Variants in CHD9 observed in about 807,000 individuals in gnomAD.
The protein encoded by CHD9 is chromodomain helicase DNA binding protein 9.
Under a neutral mutation model 316.1 loss-of-function variants are expected in CHD9, and 77 were observed. The observed-to-expected ratio is 0.24, with a 90% CI of 0.20 to 0.29. The LOEUF is 0.29. Among genes scored for constraint, CHD9 ranks in the 10% least tolerant of loss-of-function variants. The pLI, the probability that CHD9 is intolerant of heterozygous loss-of-function variation, is 1.00. For missense variants in CHD9, 2,763 were observed against 3,438.1 expected (o/e 0.80, Z 4.91); for synonymous variants, 1,129 against 1,158.3 (o/e 0.97, Z 0.51).
chr16:53,293,380 C>G (rs1380214922), intron 29 of CHD9, among the ~76,000 whole-genome samples: 1 of 151,972 alleles, frequency 6.6e-6, no homozygotes, highest in Non-Finnish European at 1.5e-5. Flanking sequence ...TTTGGGAGGC[C>G]GAGGTGGGAA....
Position 53,122,873 on chromosome 16 carries a change from A to AT in CHD9, c.-164-33037dup, listed in dbSNP as rs35194227. Among the ~76,000 whole-genome samples, 500 of 139,124 alleles carry AT rather than the reference A, an allele frequency of 3.6e-3. 2 individuals carry two copies. The highest frequency in any genetic ancestry group is 3.8e-3 in the African/African-American group (142 of 37,818). 91.3% of individuals were successfully genotyped at this position (139,124 alleles called of 152,430 possible). A position where few individuals can be genotyped will look rare whatever the true frequency, so the allele number is the denominator to read the frequency against. On this transcript the variant is annotated intron_variant, in intron 1 of 38. Coordinates refer to ENST00000447540, the MANE Select transcript of CHD9 (RefSeq NM_001308319.2). ...AGGCGCCCGCTACCACGCCCGGCTA[A>AT]TTTTTTTTTTTTTTTTGTATTTTTA...
chr16:53,099,155 G>C (rs1312057207), intron 1 of CHD9: 2 of 152,448 alleles, frequency 1.3e-5, no homozygotes, highest in Non-Finnish European at 2.9e-5. Context: ...GGAACCTGCA[G>C]CTGGAGCCAG....
At chr16:53,300,285 G>A (rs555326195) in intron 30 of CHD9, among the ~76,000 whole-genome samples, 17 of 152,186 alleles carry the variant, frequency 1.1e-4, no homozygotes, top group South Asian at 1.0e-3. Flanking sequence ...CCTGGGAGGC[G>A]GAGATTGCAG....
chr16:53,125,688 CACAAAG>C (rs1392002488), intron 1 of CHD9, among the ~76,000 whole-genome samples: 2 of 152,182 alleles, frequency 1.3e-5, no homozygotes, highest in African/African-American at 2.4e-5. Flanking sequence ...GCCACATGAT[CACAAAG>C]ACAAACAACC....
chr16:53,141,717 T>C (rs567149872), intron 1 of CHD9, among the ~76,000 whole-genome samples: 51 of 152,266 alleles, frequency 3.3e-4, no homozygotes, highest in African/African-American at 1.2e-3. Context: ...TCTGCACTCA[T>C]CTTGTTTAGT....
At chr16:53,164,659 T>G (rs968069534) in intron 2 of CHD9, among the ~76,000 whole-genome samples, 1 of 151,222 alleles carries the variant, frequency 6.6e-6, no homozygotes, top group Non-Finnish European at 1.5e-5. Context: ...GGGGGTTTGT[T>G]GTTGTTGTTT....
intron 1 of CHD9, among the ~76,000 whole-genome samples, chr16:53,148,415 T>C (rs999346254): frequency 1.3e-5 from 2 of 152,162 alleles, no homozygotes; most frequent in Non-Finnish European, 2.9e-5. Context: ...TGTTTAACTT[T>C]TTGAGGAACC....
rs371392783 is a variant in CHD9 at position 53,156,755 on chromosome 16, A to C, written c.666A>C (p.Ser222=). The C allele has an allele frequency of 1.9e-6, 3 of 1,613,720 alleles. No homozygotes were observed. The highest frequency in any genetic ancestry group is 1.7e-5 in the Admixed American group (1 of 60,028). The change falls in exon 2 of 39, where the codon TCA becomes TCC. Residue 222 remains serine, a synonymous_variant. Coordinates refer to ENST00000447540, the MANE Select transcript of CHD9 (RefSeq NM_001308319.2). The stretch of plus-strand genomic sequence containing the variant: ...CACAGATGACTAATGCATCTAATTC[A>C]CAACAGTCTATTTCAATGCAGCAAT... The part of the protein sequence containing the change: ...HPPQMTNASN[S]QQSISMQQFS...
At chr16:53,172,564 A>G (rs1025179374) in intron 2 of CHD9, among the ~76,000 whole-genome samples, 6 of 152,244 alleles carry the variant, frequency 3.9e-5, no homozygotes, top group Admixed American at 2.0e-4. Flanking sequence ...TAATAGGTAT[A>G]TATTTAACTT....
intron 1 of CHD9, among the ~76,000 whole-genome samples, chr16:53,103,313 G>A (rs1029156948): frequency 3.3e-5 from 5 of 151,950 alleles, no homozygotes; most frequent in Non-Finnish European, 1.5e-5. Flanking sequence ...GATTACAGGT[G>A]TGAGCCACCA....
intron 2 of CHD9, among the ~76,000 whole-genome samples, chr16:53,170,690 C>G (rs538899829): frequency 5.3e-5 from 8 of 151,946 alleles, no homozygotes; most frequent in African/African-American, 1.9e-4. Flanking sequence ...TTGTCAACAT[C>G]TCTGATTTTG....
rs554372764 is a variant in CHD9, at chr16:53,316,243, T to C, written c.7584+1199T>C. Among the ~76,000 whole-genome samples, 10 of 152,278 alleles carry C rather than the reference T, an allele frequency of 6.6e-5. No homozygotes were observed. The East Asian group carries it at 1.7e-3, about 26-fold the overall frequency. The stretch of plus-strand genomic sequence containing the variant: ...ATTGCAATCCTAAAAATAATGGGAA[T>C]CCTGAGTTGAACACTGTAACTTCCT... On this transcript the variant is annotated intron_variant, in intron 36 of 38. Transcript: ENST00000447540.
At chr16:53,208,862 A>C (rs1475712358) in intron 2 of CHD9, among the ~76,000 whole-genome samples, 1 of 152,170 alleles carries the variant, frequency 6.6e-6, no homozygotes, top group Non-Finnish European at 1.5e-5. Flanking sequence ...TTATTTCCCA[A>C]ATTGCTTGAG....
chr16:53,164,632 GT>G (rs57354712), intron 2 of CHD9, among the ~76,000 whole-genome samples: 4,861 of 146,642 alleles, frequency 0.033, 99 homozygotes, highest in Middle Eastern at 0.073. Context: ...TCTGTTTTTT[GT>G]TTTTTTTTTG....
intron 1 of CHD9, among the ~76,000 whole-genome samples, chr16:53,079,099 T>TTA (rs1174750899): frequency 2.0e-5 from 3 of 152,166 alleles, no homozygotes; most frequent in Non-Finnish European, 4.4e-5. Flanking sequence ...TTGGCTAGCG[T>TTA]TATACATACA....
intron 10 of CHD9, among the ~76,000 whole-genome samples, chr16:53,234,648 C>T (rs1245943957): frequency 2.0e-5 from 3 of 151,698 alleles, no homozygotes; most frequent in Non-Finnish European, 4.4e-5. Context: ...CCCTGTGTTG[C>T]CCAGGCTGGT....
intron 1 of CHD9, among the ~76,000 whole-genome samples, chr16:53,136,556 TA>T (rs35318410): frequency 4.5e-3 from 633 of 141,288 alleles, no homozygotes; most frequent in African/African-American, 6.4e-3. Flanking sequence ...TACCTTTTCC[TA>T]AAAAAAAAAA....
At chr16:53,142,583 A>T (rs191297498) in intron 1 of CHD9, among the ~76,000 whole-genome samples, 1 of 152,246 alleles carries the variant, frequency 6.6e-6, no homozygotes, top group Non-Finnish European at 1.5e-5. Context: ...CTGGGATTAC[A>T]GGCATGAGCC....
At chr16:53,193,326 G>C in intron 2 of CHD9, among the ~76,000 whole-genome samples, 1 of 151,920 alleles carries the variant, frequency 6.6e-6, no homozygotes, top group East Asian at 1.9e-4. Flanking sequence ...GCGGGCCCCT[G>C]TAGTCCCAGC....
Sources: gnomAD v4.1 joint callset for allele counts (sites outside exome capture counted in the v4.1 genomes callset) on GRCh38, gnomAD v4.1.1 for gene constraint, MANE v1.5 for transcripts, NCBI Gene and HGNC (gene_info 2026-07-23, HGNC 2026-07-21) for gene names.